GNG7: variants seen among roughly 807,000 people sequenced by gnomAD.
The protein encoded by GNG7 is guanine nucleotide-binding protein G(I)/G(S)/G(O) subunit gamma-7.
A neutral mutation model predicts 4.0 loss-of-function variants in GNG7; 1 was observed. The ratio of observed to expected loss-of-function variants is 0.25; its 90% confidence interval spans 0.09 to 1.18. The LOEUF (loss-of-function observed/expected upper bound fraction) is 1.18. GNG7 is among the 50% of genes most tolerant of loss of function. GNG7 has a pLI of 0.50. For synonymous variants in GNG7, 34 were observed against 36.9 expected (o/e 0.92, Z 0.29); for missense variants, 86 against 91.9 (o/e 0.94, Z 0.26).
chr19:2,537,403 G>A (rs1170564476), intron 3 of GNG7, among the ~76,000 whole-genome samples: 2 of 151,642 alleles, frequency 1.3e-5, no homozygotes, highest in African/African-American at 2.4e-5. Flanking sequence ...ATGCCACTAG[G>A]CCTGGCTAGT....
chr19:2,633,273 G>A lies in GNG7; in HGVS notation c.-78+12951C>T, dbSNP rs988778443. Among the ~76,000 whole-genome samples, 1 of 152,152 alleles carries A rather than the reference G, an allele frequency of 6.6e-6. No individual in the cohort carries two copies. Among genetic ancestry groups the A allele is most frequent in the African/African-American group, 2.4e-5 (1 of 41,428 alleles). ...GAGGGTCAAGGTCAAGCCACAGATT[G>A]GCAGAGCCATCCTCTCTGGCCTCCA... On this transcript the variant is annotated intron_variant, in intron 2 of 4. Coordinates refer to ENST00000382159, the MANE Select transcript of GNG7 (RefSeq NM_052847.3). The surrounding 1 kb of genome is among the most constrained non-coding windows in gnomAD (Gnocchi z 5.9).
intron 1 of GNG7, among the ~76,000 whole-genome samples, chr19:2,648,934 G>T (rs1270976009): frequency 6.6e-6 from 1 of 151,646 alleles, no homozygotes; most frequent in Non-Finnish European, 1.5e-5. Flanking sequence ...TATTGCCCAG[G>T]CTGGAGTGCA....
At chr19:2,691,866 CAAAAA>C (rs10709787) in intron 1 of GNG7, among the ~76,000 whole-genome samples, 1 of 126,006 alleles carries the variant, frequency 7.9e-6, no homozygotes, top group Non-Finnish European at 1.7e-5. Flanking sequence ...GATTGCATCT[CAAAAA>C]AAAAAAAAAA....
intron 2 of GNG7, among the ~76,000 whole-genome samples, chr19:2,559,730 T>TCTC (rs1353810847): frequency 6.6e-6 from 1 of 152,198 alleles, no homozygotes; most frequent in Admixed American, 6.5e-5. Context: ...GTCAGACTGG[T>TCTC]CTCGATCTCT....
chr19:2,602,794 T>A (rs1422266226), intron 2 of GNG7, among the ~76,000 whole-genome samples: 3 of 152,160 alleles, frequency 2.0e-5, no homozygotes, highest in Non-Finnish European at 2.9e-5. Flanking sequence ...GAATTGCCTT[T>A]TATAGGCAGG....
rs1978307236 is a variant in GNG7, at chr19:2,521,284, A to G, written c.-37-559T>C. 5.3e-5 allele frequency among the ~76,000 whole-genome samples: 8 copies of G among 152,132 alleles called. No homozygotes were observed. The South Asian group carries it at 1.7e-3, about 32-fold the overall frequency. ...CCGTCTCAAAAAAAAAAATAAAGAA[A>G]AAATAAAGAAAGGGCAAAGGCAATA... On this transcript the variant is annotated intron_variant, in intron 3 of 4. Transcript: ENST00000382159.
chr19:2,596,855 A>T (rs1042917008), intron 2 of GNG7, among the ~76,000 whole-genome samples: 5 of 152,344 alleles, frequency 3.3e-5, no homozygotes, highest in African/African-American at 7.2e-5. Flanking sequence ...TATTCTCAAC[A>T]GGGTGAACAT....
At chr19:2,684,866 G>A (rs1166670341) in intron 1 of GNG7, among the ~76,000 whole-genome samples, 1 of 152,214 alleles carries the variant, frequency 6.6e-6, no homozygotes, top group African/African-American at 2.4e-5. Context: ...GCTCACGCCT[G>A]TAATCCCAAC....
intron 3 of GNG7, among the ~76,000 whole-genome samples, chr19:2,528,083 C>A (rs1286056279): frequency 6.6e-6 from 1 of 151,588 alleles, no homozygotes; most frequent in Non-Finnish European, 1.5e-5. Context: ...GCCTGGCCAA[C>A]ATGGTGAAAC....
chr19:2,542,750 T>C (rs151171634), intron 3 of GNG7, among the ~76,000 whole-genome samples: 18 of 152,276 alleles, frequency 1.2e-4, no homozygotes, highest in Non-Finnish European at 2.2e-4. Flanking sequence ...GTCTCCAGGC[T>C]GGAGGGCCCC....
At chr19:2,527,104 A>G (rs1978429328) in intron 3 of GNG7, among the ~76,000 whole-genome samples, 1 of 152,214 alleles carries the variant, frequency 6.6e-6, no homozygotes, top group Non-Finnish European at 1.5e-5. Flanking sequence ...TCAGCCTCCC[A>G]AAGTGCTGGG....
At chr19:2,571,588 C>CTTTTTTTTTTTTTTTTTTTTT (rs779497111) in intron 2 of GNG7, among the ~76,000 whole-genome samples, 4 of 68,012 alleles carry the variant, frequency 5.9e-5, no homozygotes, top group Non-Finnish European at 1.0e-4. Context: ...CATTTCTTTC[C>CTTTTTTTTTTTTTTTTTTTTT]TTTTTTTTTT....
chr19:2,681,969 G>A (rs1026854486), intron 1 of GNG7, among the ~76,000 whole-genome samples: 7 of 152,122 alleles, frequency 4.6e-5, no homozygotes, highest in African/African-American at 1.7e-4. Context: ...GAGTGCAGTG[G>A]CGCAATCTCA....
intron 3 of GNG7, among the ~76,000 whole-genome samples, chr19:2,531,303 C>CAG (rs1273013815): frequency 9.5e-5 from 9 of 95,076 alleles, no homozygotes; most frequent in African/African-American, 4.0e-4. Flanking sequence ...GATTCCGTCT[C>CAG]AAAAAAAAAA....
intron 2 of GNG7, among the ~76,000 whole-genome samples, chr19:2,571,588 CTTTT>C (rs779497111): frequency 5.9e-5 from 4 of 68,020 alleles, no homozygotes; most frequent in Admixed American, 2.3e-4. Flanking sequence ...CATTTCTTTC[CTTTT>C]TTTTTTTTTT....
intron 1 of GNG7, among the ~76,000 whole-genome samples, chr19:2,667,035 C>G (rs1983327196): frequency 6.6e-6 from 1 of 152,120 alleles, no homozygotes; most frequent in African/African-American, 2.4e-5. Context: ...AAAACACACA[C>G]TCATCCGGGC....
intron 1 of GNG7, among the ~76,000 whole-genome samples, chr19:2,647,085 C>T (rs1341654948): frequency 6.6e-6 from 1 of 152,230 alleles, no homozygotes; most frequent in South Asian, 2.1e-4. Flanking sequence ...CAGGAACTCC[C>T]CACCTCGGGG....
intron 2 of GNG7, among the ~76,000 whole-genome samples, chr19:2,616,054 C>G (rs1981715796): frequency 6.6e-6 from 1 of 152,190 alleles, no homozygotes; most frequent in African/African-American, 2.4e-5. Context: ...GGAAAAAACA[C>G]CCAGTAGCCA....
chr19:2,691,043 G>T (rs958175998), intron 1 of GNG7, among the ~76,000 whole-genome samples: 4 of 152,172 alleles, frequency 2.6e-5, no homozygotes, highest in Admixed American at 6.5e-5. Flanking sequence ...TTCATCCATT[G>T]TGATTATAAC....
Sources: allele counts gnomAD v4.1 joint callset (sites outside exome capture counted in the v4.1 genomes callset), GRCh38; gene constraint gnomAD v4.1.1; non-coding constraint Gnocchi (gnomAD v3.1); transcripts MANE v1.5; gene names NCBI Gene and HGNC (gene_info 2026-07-23, HGNC 2026-07-21).